The following RNGTT variants were observed in gnomAD, a reference collection of about 807,000 sequenced individuals.
RNGTT encodes mRNA-capping enzyme.
In RNGTT, 33 loss-of-function variants were observed where a neutral mutation model predicts 79.3. The observed-to-expected ratio is 0.42, with a 90% CI of 0.32 to 0.56. The LOEUF is 0.56. Ranked by LOEUF, RNGTT falls within the 20% of genes least tolerant of loss-of-function variation. The pLI, the probability that RNGTT is intolerant of heterozygous loss-of-function variation, is 0.17. For missense variants in RNGTT, 497 were observed against 739.1 expected (o/e 0.67, Z 3.80); for synonymous variants, 222 against 235.9 (o/e 0.94, Z 0.54).
chr6:88,715,366 A>G (rs1776473124), intron 13 of RNGTT, among the ~76,000 whole-genome samples: 1 of 152,164 alleles, frequency 6.6e-6, no homozygotes, highest in Admixed American at 6.5e-5. Context: ...GGAAGAATCA[A>G]TATCGTGAAA....
chr6:88,759,856 T>A (rs1582425966), intron 13 of RNGTT, among the ~76,000 whole-genome samples: 1 of 146,166 alleles, frequency 6.8e-6, no homozygotes, highest in African/African-American at 2.6e-5. Flanking sequence ...AGTTACTTCA[T>A]TTTCCCCCCC....
intron 8 of RNGTT, among the ~76,000 whole-genome samples, chr6:88,866,769 T>C (rs1298420956): frequency 1.3e-5 from 2 of 152,312 alleles, no homozygotes; most frequent in Admixed American, 6.5e-5. Context: ...TTGAATAAAG[T>C]TGGTTTAACA....
At chr6:88,952,743 T>G (rs765617052) in intron 1 of RNGTT, among the ~76,000 whole-genome samples, 1 of 152,194 alleles carries the variant, frequency 6.6e-6, no homozygotes, top group African/African-American at 2.4e-5. Flanking sequence ...CCAGAGCAGG[T>G]GCTGGTATCA....
chr6:88,772,894 T>C (rs1326384161), intron 12 of RNGTT, among the ~76,000 whole-genome samples: 1 of 152,078 alleles, frequency 6.6e-6, no homozygotes, highest in East Asian at 1.9e-4. Flanking sequence ...AGTTCAACCA[T>C]TGTGGAAGTC....
chr6:88,933,363 TA>T (rs1395693268), intron 2 of RNGTT, among the ~76,000 whole-genome samples: 1 of 152,214 alleles, frequency 6.6e-6, no homozygotes, highest in Non-Finnish European at 1.5e-5. Flanking sequence ...ATTTATACAT[TA>T]TATCTAACTA....
intron 2 of RNGTT, among the ~76,000 whole-genome samples, chr6:88,933,456 C>A (rs1784569902): frequency 6.6e-6 from 1 of 152,072 alleles, no homozygotes; most frequent in African/African-American, 2.4e-5. Context: ...TATCGTCTAT[C>A]ATTCTACTCT....
At chr6:88,807,857 C>G (rs1056800010) in intron 11 of RNGTT, among the ~76,000 whole-genome samples, 1 of 152,090 alleles carries the variant, frequency 6.6e-6, no homozygotes, top group Admixed American at 6.5e-5. Flanking sequence ...ACAGCAGACT[C>G]CTTATCTGAA....
chr6:88,647,967 G>T (rs1283136922), intron 14 of RNGTT, among the ~76,000 whole-genome samples: 1 of 149,650 alleles, frequency 6.7e-6, no homozygotes, highest in Non-Finnish European at 1.5e-5. Context: ...CAGATTCAAA[G>T]ATATAATCAG....
At chr6:88,806,521 T>C (rs1779960960) in intron 11 of RNGTT, among the ~76,000 whole-genome samples, 1 of 151,958 alleles carries the variant, frequency 6.6e-6, no homozygotes, top group African/African-American at 2.4e-5. Context: ...TTCACCATGT[T>C]AGCCAGGATG....
chr6:88,911,481 C>T (rs569884405), intron 4 of RNGTT, among the ~76,000 whole-genome samples: 2 of 152,262 alleles, frequency 1.3e-5, no homozygotes, highest in East Asian at 3.9e-4. Context: ...ATTCATAAAA[C>T]AAGAACTTCC....
At chr6:88,705,164 AAAAGCTGTC>A (rs1776088982) in intron 13 of RNGTT, among the ~76,000 whole-genome samples, 2 of 152,190 alleles carry the variant, frequency 1.3e-5, no homozygotes, top group Non-Finnish European at 2.9e-5. Context: ...GTCTCTTATC[AAAAGCTGTC>A]AAGTGTCATC....
At chr6:88,929,804 G>GTATA (rs562526626) in intron 2 of RNGTT, among the ~76,000 whole-genome samples, 6 of 150,090 alleles carry the variant, frequency 4.0e-5, no homozygotes, top group African/African-American at 1.5e-4. Flanking sequence ...TATATGATGT[G>GTATA]TATATATATA....
At chr6:88,663,538 C>T (rs1452709583) in intron 14 of RNGTT, among the ~76,000 whole-genome samples, 1 of 152,134 alleles carries the variant, frequency 6.6e-6, no homozygotes, top group South Asian at 2.1e-4. Flanking sequence ...TTGCTCCACC[C>T]GCCGAGGGAA....
intron 14 of RNGTT, among the ~76,000 whole-genome samples, chr6:88,663,526 T>C (rs1774268151): frequency 6.6e-6 from 1 of 152,114 alleles, no homozygotes; most frequent in Non-Finnish European, 1.5e-5. Context: ...CAAGGAAAAG[T>C]CTTGCTCCAC....
rs533300407 is a variant in RNGTT, at chr6:88,803,431, C to T, written c.1270-1799G>A. 4.0e-5 allele frequency among the ~76,000 whole-genome samples: 6 copies of T among 151,572 alleles called. No individual in the cohort carries two copies. The South Asian group carries it at 6.3e-4, about 16-fold the overall frequency. On this transcript the variant is annotated intron_variant, in intron 11 of 15. Transcript: ENST00000369485. The stretch of plus-strand genomic sequence containing the variant: ...TCTACTAAAAAATACAAAAATTAAC[C>T]GGTGTGGTGGCGCGCGCCTGTAGTC...
At chr6:88,643,806 C>T (rs146426151) in intron 14 of RNGTT, among the ~76,000 whole-genome samples, 1 of 152,000 alleles carries the variant, frequency 6.6e-6, no homozygotes. Context: ...GAAACCAACG[C>T]GAACAAAGAC....
chr6:88,836,821 G>A (rs1781096636), intron 11 of RNGTT, among the ~76,000 whole-genome samples: 1 of 151,622 alleles, frequency 6.6e-6, no homozygotes, highest in Admixed American at 6.6e-5. Context: ...CATGGGAGGA[G>A]AAAAAAATTA....
chr6:88,763,826 T>C (rs1349925235), intron 13 of RNGTT, among the ~76,000 whole-genome samples: 1 of 152,204 alleles, frequency 6.6e-6, no homozygotes, highest in Non-Finnish European at 1.5e-5. Flanking sequence ...TATCAGTGGA[T>C]ACTAAAAAGG....
chr6:88,796,257 G>C (rs1161399624), intron 12 of RNGTT, among the ~76,000 whole-genome samples: 1 of 151,958 alleles, frequency 6.6e-6, no homozygotes, highest in African/African-American at 2.4e-5. Context: ...AACATTTAAA[G>C]TATATATGTG....
Sources: gnomAD v4.1 joint callset for allele counts (sites outside exome capture counted in the v4.1 genomes callset) on GRCh38, gnomAD v4.1.1 for gene constraint, MANE v1.5 for transcripts, NCBI Gene and HGNC (gene_info 2026-07-23, HGNC 2026-07-21) for gene names.